Variants in DUS3L observed in about 807,000 individuals in gnomAD.
The protein encoded by DUS3L is dihydrouridine synthase 3 like.
Under a neutral mutation model 74.6 loss-of-function variants are expected in DUS3L, and 62 were observed. The ratio of observed to expected loss-of-function variants is 0.83; its 90% CI spans 0.68 to 1.03. The LOEUF (loss-of-function observed/expected upper bound fraction) is 1.03, where lower values mean the gene tolerates loss of function less well. DUS3L is among the 50% of genes least tolerant of loss of function. DUS3L has a pLI of 0.00. For synonymous variants in DUS3L, 433 were observed against 395.7 expected (o/e 1.09, Z -1.12); for missense variants, 884 against 924.4 (o/e 0.96, Z 0.57).
rs1012566789 is a variant in DUS3L at position 5,787,697 on chromosome 19, G to A, written c.1104C>T (p.Gly368=). ...CEDIFGVQLE[G]AFPDTMTKCA... ...ACTTGGTCATGGTGTCGGGGAAGGC[G>A]CCCTCCAGCTGTAGGTGGGTAGTGG... The change falls in exon 6 of 13, where the codon GGC becomes GGT. Residue 368 remains glycine (G), a synonymous_variant. Transcript: ENST00000309061. The A allele has an allele frequency of 1.1e-5, 18 of 1,613,142 alleles. No individual in the cohort carries two copies. Among genetic ancestry groups the A allele is most frequent in the East Asian group, 2.2e-5 (1 of 44,894 alleles).
rs1568388686 is a variant in DUS3L at position 5,789,645 on chromosome 19, C to T, written c.462G>A (p.Lys154=). The change falls in exon 3 of 13, where the codon AAG becomes AAA. Residue 154 remains lysine, a synonymous_variant. Coordinates refer to ENST00000309061, the MANE Select transcript of DUS3L (RefSeq NM_020175.3). Reference sequence around the variant, plus strand: ...CGCAGCGGGGGCCCAGGTCGGCCGGCTTGGTCTCCAGGTAGCGCCCCACGT... The same window carrying T: ...CGCAGCGGGGGCCCAGGTCGGCCGGTTTGGTCTCCAGGTAGCGCCCCACGT... ...LHDVGRYLET[K]PADLGPRCVL... is the part of the protein sequence containing the mutation. 1.2e-6 allele frequency: 2 copies of T among 1,608,332 alleles called. No individual in the cohort carries two copies. Among genetic ancestry groups the T allele is most frequent in the Admixed American group, 3.4e-5 (2 of 59,116 alleles).
rs768523338 is a variant in DUS3L at position 5,789,569 on chromosome 19, C to T, written c.538G>A (p.Ala180Thr). Residue 180 changes from alanine (A) to threonine (T), a missense_variant, in exon 3 of 13, where the codon GCT (alanine) becomes ACT (threonine). Coordinates refer to ENST00000309061, the MANE Select transcript of DUS3L (RefSeq NM_020175.3). ...CCCTCGGGCCTCAGGTGGGCCCCAG[C>T]GAAGCGGCAGGTCACGCCGTAGGGG... is the stretch of plus-strand genomic sequence containing the variant. ...RCPYGVTCRF[A>T]GAHLRPEGQN... The T allele has an allele frequency of 3.8e-6, 6 of 1,596,592 alleles. No individual in the cohort carries two copies. Among genetic ancestry groups the T allele is most frequent in the Admixed American group, 1.8e-5 (1 of 56,962 alleles).
chr19:5,790,428 T>A, intron 1 of DUS3L, 93 bp from the exon 2 acceptor site: 1 of 1,485,974 alleles, frequency 6.7e-7, no homozygotes, highest in South Asian at 1.2e-5. Flanking sequence ...CTTAAATCCT[T>A]CTGCTGATGG....
chr19:5,786,657 C>T (rs887613624), intron 9 of DUS3L, 92 bp downstream of exon 9: 9 of 1,569,188 alleles, frequency 5.7e-6, no homozygotes, highest in South Asian at 3.5e-5. Context: ...CAGGGTGGTA[C>T]GAGGGGGTCC....
chr19:5,788,416 C>T lies in DUS3L; in HGVS notation c.901-18G>A, dbSNP rs752794326. 4 of 1,610,722 alleles carry T rather than the reference C, an allele frequency of 2.5e-6. No homozygotes were observed. Among genetic ancestry groups the T allele is most frequent in the Middle Eastern group, 1.7e-4 (1 of 6,060 alleles). ...ATGTCCAGCTGGAGGGAAAAAAATACACACAAGTGGAGCTTGGCCTCCACC... is the reference window on the plus strand; with the variant it reads ...ATGTCCAGCTGGAGGGAAAAAAATATACACAAGTGGAGCTTGGCCTCCACC... On this transcript the variant is annotated intron_variant, in intron 3 of 12. Transcript: ENST00000309061.
intron 10 of DUS3L, 92 bp downstream of exon 10, chr19:5,786,375 C>T (rs1599617389): frequency 7.7e-7 from 1 of 1,291,482 alleles, no homozygotes; most frequent in South Asian, 1.3e-5. Context: ...GACCAACAGC[C>T]CACCACAGAA....
chr19:5,787,906 C>T, intron 5 of DUS3L, 118 bp downstream of exon 5: 1 of 1,498,526 alleles, frequency 6.7e-7, no homozygotes. Context: ...GGCATCACCC[C>T]CACTCCACAG....
rs773319675 is a variant in DUS3L, at chr19:5,787,574, G to A, written c.1212+15C>T. 108 of 1,611,244 alleles carry A rather than the reference G, an allele frequency of 6.7e-5. No individual in the cohort carries two copies. Among genetic ancestry groups the A allele is most frequent in the South Asian group, 1.9e-4 (17 of 91,054 alleles). ...CCCAGATGGGGAAACCGAGGCACACGTCCAGGGCCGCTACCTTCTTGTACA... is the reference window on the plus strand; with the variant it reads ...CCCAGATGGGGAAACCGAGGCACACATCCAGGGCCGCTACCTTCTTGTACA... On this transcript the variant is annotated intron_variant, in intron 6 of 12. Transcript: ENST00000309061.
chr19:5,788,426 G>A (rs750427757), intron 3 of DUS3L, 28 bp from the exon 4 acceptor site: 15 of 1,605,440 alleles, frequency 9.3e-6, no homozygotes, highest in Non-Finnish European at 1.3e-5. Flanking sequence ...CACACAAGTG[G>A]AGCTTGGCCT....
chr19:5,785,520 G>C lies in DUS3L; in HGVS notation c.1752-9C>G. 1 of 1,531,128 alleles carries C rather than the reference G, an allele frequency of 6.5e-7. No individual in the cohort carries two copies. Among genetic ancestry groups the C allele is most frequent in the South Asian group, 1.3e-5 (1 of 79,316 alleles). 94.8% of individuals were successfully genotyped at this position (1,531,128 alleles called of 1,614,324 possible). On this transcript the variant is annotated splice_polypyrimidine_tract_variant and intron_variant, in intron 11 of 12. Coordinates refer to ENST00000309061, the MANE Select transcript of DUS3L (RefSeq NM_020175.3). ...GCCCCACGGGCACGTACCTGCGGCG[G>C]GTGGGCGGGCAGGACAGGCTTGAGT...
At position 5,790,050 on chromosome 19, in the gene DUS3L, G is replaced by A. The variant is rs754198984; in HGVS notation, c.384C>T (p.Ile128=). The part of the protein sequence containing the change: ...YDKNRLCPSL[I]QESAAKCFFG... The stretch of plus-strand genomic sequence containing the variant: ...ATGCTCACGTGGCCGCACTTGCCTG[G>A]ATTAGGGAGGGACACAGCCTGTTCT... The change falls in exon 2 of 13, where the codon ATC becomes ATT. Residue 128 remains isoleucine (I), a synonymous_variant. Transcript: ENST00000309061. 3 of 1,613,332 alleles carry A rather than the reference G, an allele frequency of 1.9e-6. No homozygotes were observed. The highest frequency in any genetic ancestry group is 1.7e-5 in the Admixed American group (1 of 60,028).
chr19:5,785,374 C>T lies in DUS3L; in HGVS notation c.1880+9G>A, dbSNP rs2056830847. ...ACTGCAGCTCCCCAACTCCAGCCCA[C>T]CCAGGCACCTGATGCGGATCCAGTC... On this transcript the variant is annotated intron_variant, in intron 12 of 12. Transcript: ENST00000309061. 2 of 1,601,588 alleles carry T rather than the reference C, an allele frequency of 1.2e-6. No homozygotes were observed. The highest frequency in any genetic ancestry group is 1.7e-6 in the Non-Finnish European group (2 of 1,173,338).
chr19:5,785,886 A>T, intron 10 of DUS3L, 95 bp from the exon 11 acceptor site: 1 of 1,347,158 alleles, frequency 7.4e-7, no homozygotes, highest in Non-Finnish European at 9.9e-7. Flanking sequence ...CGGAGCCCAG[A>T]CCACAAAACC....
At position 5,789,196 on chromosome 19, in the gene DUS3L, T is replaced by C. The variant is rs1453635524; in HGVS notation, c.900+11A>G. The C allele has an allele frequency of 7.9e-6, 12 of 1,520,622 alleles. No individual in the cohort carries two copies. Among genetic ancestry groups the C allele is most frequent in the Admixed American group, 4.5e-5 (2 of 44,736 alleles). 94.2% of individuals were successfully genotyped at this position (1,520,622 alleles called of 1,614,324 possible). ...GACAGATCTGCTACTGACGTTGTCCTCAACACGTACCCGCTTCTTCTCACA... is the reference window on the plus strand; with the variant it reads ...GACAGATCTGCTACTGACGTTGTCCCCAACACGTACCCGCTTCTTCTCACA... On this transcript the variant is annotated intron_variant, in intron 3 of 12. Coordinates refer to ENST00000309061, the MANE Select transcript of DUS3L (RefSeq NM_020175.3).
intron 4 of DUS3L, 25 bp downstream of exon 4, chr19:5,788,320 CCCTGCCACCCGA>C: frequency 1.2e-6 from 2 of 1,613,340 alleles, no homozygotes; most frequent in Non-Finnish European, 1.7e-6. Context: ...CACACTGCCA[CCCTGCCACCCGA>C]CCAGCCACCT....
In DUS3L at chr19:5,791,034, G is replaced by A; in HGVS notation, c.98+10C>T. On this transcript the variant is annotated intron_variant, in intron 1 of 12. Coordinates refer to ENST00000309061, the MANE Select transcript of DUS3L (RefSeq NM_020175.3). ...GGCCCTTCAGCTTCCCTCCTGCCCC[G>A]GCGACTCACTGACGCTTAATGGGCG... The A allele has an allele frequency of 6.3e-7, 1 of 1,590,056 alleles. No homozygotes were observed. Among genetic ancestry groups the A allele is most frequent in the Non-Finnish European group, 8.6e-7 (1 of 1,168,506 alleles).
intron 1 of DUS3L, chr19:5,790,786 A>G: frequency 1.7e-6 from 1 of 589,092 alleles, no homozygotes; most frequent in Non-Finnish European, 3.0e-6. Flanking sequence ...TACAATCCCC[A>G]GTATGCAGCG....
chr19:5,787,127 C>A lies in DUS3L; in HGVS notation c.1323G>T (p.Gln441His). The change falls in exon 8 of 13, where the codon CAG becomes CAT. Residue 441 changes from glutamine to histidine, a missense_variant. Coordinates refer to ENST00000309061, the MANE Select transcript of DUS3L (RefSeq NM_020175.3). ...GGCGGTGCGCCAGGTTCACACGCTC[C>A]TGGACGCCTGTGCGGATCTTCACAG... The part of the protein sequence containing the change: ...PLTVKIRTGV[Q>H]ERVNLAHRLL... 1 of 978,008 alleles carries A rather than the reference C, an allele frequency of 1.0e-6. No homozygotes were observed. The highest frequency in any genetic ancestry group is 2.8e-5 in the South Asian group (1 of 36,122). 60.6% of individuals were successfully genotyped at this position (978,008 alleles called of 1,614,324 possible). A position where few individuals can be genotyped will look rare whatever the true frequency, so the allele number is the denominator to read the frequency against.
chr19:5,790,743 G>A lies in DUS3L; in HGVS notation c.98+301C>T, dbSNP rs75767818. ...GACCCGCCAGTAACGGCCGCTGGCA[G>A]AGCACATGCGCCGTACGTCCATATG... On this transcript the variant is annotated intron_variant, in intron 1 of 12. Transcript: ENST00000309061. 9.8e-3 allele frequency: 5,509 copies of A among 561,682 alleles called. 43 individuals are homozygous for A. The highest frequency in any genetic ancestry group is 0.018 in the Middle Eastern group (38 of 2,122). 34.8% of individuals were successfully genotyped at this position (561,682 alleles called of 1,614,324 possible). A position where few individuals can be genotyped will look rare whatever the true frequency, so the allele number is the denominator to read the frequency against.
Sources: allele counts gnomAD v4.1 joint callset, GRCh38; gene constraint gnomAD v4.1.1; transcripts MANE v1.5; gene names NCBI Gene and HGNC (gene_info 2026-07-23, HGNC 2026-07-21).